Variants in ETV6 observed in about 807,000 individuals in gnomAD.
ETV6 encodes ETS variant transcription factor 6, also known as transcription factor ETV6.
In ETV6, 16 loss-of-function variants were observed where a neutral mutation model predicts 51.1. That is an observed-to-expected ratio of 0.31 (90% CI 0.21 to 0.48). ETV6 has a LOEUF of 0.48. ETV6 is among the 20% of genes least tolerant of loss of function. The pLI, the probability that ETV6 is intolerant of heterozygous loss-of-function variation, is 0.99. For synonymous variants in ETV6, 240 were observed against 224.1 expected (o/e 1.07, Z -0.64); for missense variants, 458 against 594.8 (o/e 0.77, Z 2.39).
intron 1 of ETV6, among the ~76,000 whole-genome samples, chr12:11,660,641 T>G (rs1424672948): frequency 6.7e-6 from 1 of 148,934 alleles, no homozygotes; most frequent in Non-Finnish European, 1.5e-5. Flanking sequence ...ATGGTGGGAA[T>G]TTGCTAAGCT....
chr12:11,701,274 A>T (rs545226525), intron 1 of ETV6, among the ~76,000 whole-genome samples: 1 of 152,224 alleles, frequency 6.6e-6, no homozygotes, highest in South Asian at 2.1e-4. Context: ...TCCCCAGCAA[A>T]CGCTGGCATG....
At chr12:11,885,534 AAAAG>A (rs1237096076) in intron 6 of ETV6, among the ~76,000 whole-genome samples, 1 of 152,236 alleles carries the variant, frequency 6.6e-6, no homozygotes, top group Non-Finnish European at 1.5e-5. Flanking sequence ...GCAACAAAAA[AAAAG>A]AAATGCTGTG....
chr12:11,822,581 C>T (rs1462280969), intron 2 of ETV6, among the ~76,000 whole-genome samples: 2 of 152,142 alleles, frequency 1.3e-5, no homozygotes, highest in African/African-American at 2.4e-5. Flanking sequence ...TTGCTTTCCA[C>T]GGGCCTCCGG....
At chr12:11,749,288 TACACACACACACACACACACAC>T (rs761925697) in intron 1 of ETV6, among the ~76,000 whole-genome samples, 2,408 of 122,936 alleles carry the variant, frequency 0.02, 79 homozygotes, top group African/African-American at 0.069. Context: ...ATCCCCCCCA[TACACACACACACACACACACAC>T]ACACACACAC....
intron 4 of ETV6, among the ~76,000 whole-genome samples, chr12:11,864,972 C>G (rs555086610): frequency 6.6e-6 from 1 of 152,256 alleles, no homozygotes; most frequent in East Asian, 1.9e-4. Flanking sequence ...TATCAACAGG[C>G]TGGGCGCGGT....
intron 2 of ETV6, among the ~76,000 whole-genome samples, chr12:11,792,482 T>C (rs1250807877): frequency 6.6e-6 from 1 of 151,494 alleles, no homozygotes; most frequent in African/African-American, 2.4e-5. Flanking sequence ...AGGTCAGGAG[T>C]TCGAGACCAG....
intron 1 of ETV6, among the ~76,000 whole-genome samples, chr12:11,679,110 AAGG>A (rs1010337083): frequency 1.1e-4 from 17 of 152,242 alleles, no homozygotes; most frequent in Non-Finnish European, 2.1e-4. Context: ...TTGAGGTTGA[AAGG>A]AGAGTGTTCT....
chr12:11,806,659 G>A (rs376566093), intron 2 of ETV6, among the ~76,000 whole-genome samples: 26 of 152,124 alleles, frequency 1.7e-4, no homozygotes, highest in African/African-American at 5.6e-4. Context: ...TTAAAGAGGC[G>A]GCTCGTCCTC....
intron 3 of ETV6, among the ~76,000 whole-genome samples, chr12:11,846,345 A>G (rs1307975340): frequency 1.3e-5 from 2 of 152,222 alleles, no homozygotes; most frequent in Non-Finnish European, 2.9e-5. Context: ...GTGTAAGGAT[A>G]TGTACATAGC....
intron 5 of ETV6, among the ~76,000 whole-genome samples, chr12:11,871,791 T>C (rs1946885021): frequency 6.6e-6 from 1 of 152,152 alleles, no homozygotes; most frequent in Admixed American, 6.5e-5. Flanking sequence ...GGGTGATAGA[T>C]GCATGGGGGT....
intron 4 of ETV6, among the ~76,000 whole-genome samples, chr12:11,868,504 C>A (rs1946825067): frequency 7.2e-6 from 1 of 139,526 alleles, no homozygotes; most frequent in South Asian, 2.3e-4. Context: ...ATGGTGTGAT[C>A]TTGGCTCGCT....
At position 11,869,636 on chromosome 12, in the gene ETV6, G is replaced by C. The variant is rs924726546; in HGVS notation, c.676G>C (p.Glu226Gln). The change falls in exon 5 of 8, where the codon GAG becomes CAG. Residue 226 changes from glutamate (E) to glutamine (Q), a missense_variant. This residue lies in a region of ETV6 where 293 missense variants were observed against 315.7 expected (regional missense o/e 0.93). Coordinates refer to ENST00000396373, the MANE Select transcript of ETV6 (RefSeq NM_001987.5). This position sits in a 1 kb window ranked among gnomAD's most constrained non-coding sequence, Gnocchi z 5.0. ...AGCTCAGGGACCCAGGCCGCACCAG[G>C]AGAACAACCACCAGGAGTCCTACCC... ...ERAQGPRPHQ[E>Q]NNHQESYPLS... 4.3e-6 allele frequency: 7 copies of C among 1,614,016 alleles called. No individual in the cohort carries two copies. The Admixed American group carries it at 6.7e-5, about 15-fold the overall frequency.
At chr12:11,767,463 C>T (rs962372281) in intron 2 of ETV6, among the ~76,000 whole-genome samples, 1 of 152,036 alleles carries the variant, frequency 6.6e-6, no homozygotes, top group Non-Finnish European at 1.5e-5. Context: ...CAGCATGGCT[C>T]GACTCTGTGG....
chr12:11,881,122 G>T (rs369256658), intron 5 of ETV6, among the ~76,000 whole-genome samples: 1 of 152,096 alleles, frequency 6.6e-6, no homozygotes, highest in South Asian at 2.1e-4. Context: ...ATTTTTTGTA[G>T]AGATGAGGTC....
chr12:11,858,094 G>A (rs1354736527), intron 4 of ETV6, among the ~76,000 whole-genome samples: 1 of 152,194 alleles, frequency 6.6e-6, no homozygotes, highest in Non-Finnish European at 1.5e-5. Context: ...GGCAGCAAGA[G>A]TAGCGTCATT....
At chr12:11,716,330 CAAAAAAAAAAAAAAAAAAA>C (rs3049068) in intron 1 of ETV6, among the ~76,000 whole-genome samples, 1 of 58,094 alleles carries the variant, frequency 1.7e-5, no homozygotes, top group Non-Finnish European at 3.1e-5. Context: ...GACTCCTTCT[CAAAAAAAAAAAAAAAAAAA>C]AAAAAAAAAA....
chr12:11,654,803 T>G (rs574907227), intron 1 of ETV6, among the ~76,000 whole-genome samples: 1 of 152,180 alleles, frequency 6.6e-6, no homozygotes, highest in Non-Finnish European at 1.5e-5. Flanking sequence ...TTAGGACTCC[T>G]TTGAGGAATC....
chr12:11,815,607 A>G (rs1023072687), intron 2 of ETV6, among the ~76,000 whole-genome samples: 2 of 147,714 alleles, frequency 1.4e-5, no homozygotes, highest in Non-Finnish European at 3.0e-5. Flanking sequence ...CATGCAGCTG[A>G]CTCACCTGGT....
intron 2 of ETV6, among the ~76,000 whole-genome samples, chr12:11,826,244 C>T (rs73052074): frequency 0.059 from 9,016 of 152,178 alleles, 375 homozygotes; most frequent in Non-Finnish European, 0.086. Context: ...CATTTTTGCA[C>T]TTGGTGGATT....
Sources: gnomAD v4.1 joint callset for allele counts (sites outside exome capture counted in the v4.1 genomes callset) on GRCh38, gnomAD v4.1.1 for gene constraint, gnomAD v4.1.1 regional missense constraint, Gnocchi (gnomAD v3.1) non-coding constraint, MANE v1.5 for transcripts, NCBI Gene and HGNC (gene_info 2026-07-23, HGNC 2026-07-21) for gene names.